Variants in RANBP2 observed in about 807,000 individuals in gnomAD.
The protein encoded by RANBP2 is E3 SUMO-protein ligase RanBP2.
A neutral mutation model predicts 303.6 loss-of-function variants in RANBP2; 57 were observed. The observed-to-expected ratio is 0.19, with a 90% CI of 0.15 to 0.23. The LOEUF (loss-of-function observed/expected upper bound fraction) is 0.23. RANBP2 is among the 10% of genes least tolerant of loss of function. The pLI is 1.00. For synonymous variants in RANBP2, 1,167 were observed against 1,301.5 expected, an observed-to-expected ratio of 0.90 and a Z score of 2.23; for missense variants, 3,138 against 3,780.8, an observed-to-expected ratio of 0.83 and a Z score of 4.46.
chr2:108,736,350 AATGTACCTAGGAGTTAT>A, intron 6 of RANBP2, 101 bp downstream of exon 6: 1 of 1,601,774 alleles, frequency 6.2e-7, no homozygotes, highest in Non-Finnish European at 8.5e-7. Flanking sequence ...TTATTTGTAT[AATGTACCTAGGAGTTAT>A]AGTTAATACA....
chr2:109,312,360 G>A, the RANBP2 span, among the ~76,000 whole-genome samples: 6 of 152,218 alleles, frequency 3.9e-5, no homozygotes, highest in South Asian at 1.2e-3. Flanking sequence ...GTTTTTTATT[G>A]TGGTATAATA....
the RANBP2 span, among the ~76,000 whole-genome samples, chr2:109,440,897 G>A: frequency 6.6e-6 from 1 of 152,166 alleles, no homozygotes; most frequent in Non-Finnish European, 1.5e-5. Flanking sequence ...AGTGCTAACA[G>A]TGCCCAGAAT....
chr2:108,826,602 A>G, the RANBP2 span, among the ~76,000 whole-genome samples: 1 of 152,100 alleles, frequency 6.6e-6, no homozygotes, highest in Admixed American at 6.6e-5. Context: ...GTTCCATTCC[A>G]TTGTTCTATT....
downstream of RANBP2, chr2:108,788,127 T>C: frequency 6.3e-7 from 1 of 1,586,616 alleles, no homozygotes; most frequent in South Asian, 1.2e-5. Flanking sequence ...GTTTCAAAAA[T>C]TTAATTTGAG....
the RANBP2 span, among the ~76,000 whole-genome samples, chr2:109,281,421 A>G: frequency 6.6e-6 from 1 of 152,190 alleles, no homozygotes; most frequent in Non-Finnish European, 1.5e-5. Flanking sequence ...TCAGAGCAGG[A>G]TGTCCCTCTA....
the RANBP2 span, chr2:109,617,276 G>A: frequency 6.0e-6 from 1 of 166,918 alleles, no homozygotes; most frequent in Admixed American, 6.5e-5. Flanking sequence ...CAATTAAAAT[G>A]GCACTTTATA....
the RANBP2 span, among the ~76,000 whole-genome samples, chr2:109,020,890 G>A: frequency 7.9e-5 from 12 of 152,192 alleles, no homozygotes; most frequent in Non-Finnish European, 1.5e-4. Flanking sequence ...AATTTCTGGT[G>A]GCAGAAATGC....
chr2:109,262,523 T>C, the RANBP2 span, among the ~76,000 whole-genome samples: 1 of 152,216 alleles, frequency 6.6e-6, no homozygotes, highest in Non-Finnish European at 1.5e-5. Context: ...GGCCCTTTCC[T>C]TGCGGCCTCA....
chr2:109,105,741 G>A, the RANBP2 span, among the ~76,000 whole-genome samples: 1 of 150,936 alleles, frequency 6.6e-6, no homozygotes, highest in Non-Finnish European at 1.5e-5. Flanking sequence ...ATTTTTAGTA[G>A]AGTCGGGGTG....
chr2:109,476,304 A>G, the RANBP2 span, among the ~76,000 whole-genome samples: 1 of 152,300 alleles, frequency 6.6e-6, no homozygotes, highest in African/African-American at 2.4e-5. Context: ...GGTCAAGTGA[A>G]GATCAAATGA....
the RANBP2 span, chr2:109,129,711 C>A: frequency 6.5e-7 from 1 of 1,536,902 alleles, no homozygotes. Context: ...TGCTGGAGTG[C>A]TCCGTGTGTC....
the RANBP2 span, among the ~76,000 whole-genome samples, chr2:109,364,449 A>C: frequency 6.6e-5 from 10 of 152,194 alleles, no homozygotes; most frequent in Non-Finnish European, 8.8e-5. Context: ...TTTAAGTCTA[A>C]CATTAGTTGC....
At chr2:109,313,112 G>T in the RANBP2 span, among the ~76,000 whole-genome samples, 1 of 152,190 alleles carries the variant, frequency 6.6e-6, no homozygotes, top group African/African-American at 2.4e-5. Context: ...GGCTCACACT[G>T]TAGGTAATAT....
chr2:109,530,536 T>C, the RANBP2 span, among the ~76,000 whole-genome samples: 1 of 152,200 alleles, frequency 6.6e-6, no homozygotes, highest in Non-Finnish European at 1.5e-5. Context: ...TCTATACATA[T>C]CTATCTTGGT....
the RANBP2 span, among the ~76,000 whole-genome samples, chr2:108,810,526 T>C: frequency 2.6e-5 from 4 of 152,340 alleles, no homozygotes; most frequent in African/African-American, 9.6e-5. Flanking sequence ...TTGGTTATGG[T>C]ATATTATCTT....
At chr2:108,972,999 T>TG in the RANBP2 span, among the ~76,000 whole-genome samples, 9 of 152,314 alleles carry the variant, frequency 5.9e-5, no homozygotes, top group African/African-American at 1.9e-4. Context: ...TGAATTTTTT[T>TG]TTTTGAGATG....
the RANBP2 span, among the ~76,000 whole-genome samples, chr2:109,381,448 C>T: frequency 5.3e-5 from 8 of 152,164 alleles, no homozygotes; most frequent in East Asian, 9.7e-4. Context: ...CCCAATCCTA[C>T]GGAGACAGAG....
the RANBP2 span, among the ~76,000 whole-genome samples, chr2:109,593,808 G>A: frequency 6.6e-6 from 1 of 152,186 alleles, no homozygotes; most frequent in Non-Finnish European, 1.5e-5. Context: ...TGCTACAATT[G>A]TGGTGTGGTG....
the RANBP2 span, chr2:108,897,235 G>C: frequency 1.2e-6 from 2 of 1,612,778 alleles, no homozygotes; most frequent in East Asian, 2.2e-5. Context: ...AAGACCTACA[G>C]ACACCAATGG....
Sources: gnomAD v4.1 joint callset for allele counts (sites outside exome capture counted in the v4.1 genomes callset) on GRCh38, gnomAD v4.1.1 for gene constraint, MANE v1.5 for transcripts, NCBI Gene and HGNC (gene_info 2026-07-23, HGNC 2026-07-21) for gene names.